Variants in LRRC4C observed in about 807,000 individuals in gnomAD.
LRRC4C encodes leucine rich repeat containing 4C.
Under a neutral mutation model 33.6 loss-of-function variants are expected in LRRC4C, and 5 were observed. The observed-to-expected ratio is 0.15, with a 90% confidence interval of 0.08 to 0.31. The LOEUF is 0.31. Among genes scored for constraint, LRRC4C ranks in the 10% least tolerant of loss-of-function variants. The probability of loss-of-function intolerance (pLI) is 1.00; values close to 1 mark genes in which losing one functional copy is unlikely to be tolerated. For missense variants in LRRC4C, 560 were observed against 796.7 expected (o/e 0.70, Z 3.58); for synonymous variants, 329 against 302.0 (o/e 1.09, Z -0.93).
intron 1 of LRRC4C, among the ~76,000 whole-genome samples, chr11:41,004,705 A>G (rs1565291867): frequency 6.6e-6 from 1 of 151,658 alleles, no homozygotes; most frequent in South Asian, 2.1e-4. Context: ...GTTCATTCAC[A>G]TAAATTACTT....
intron 1 of LRRC4C, among the ~76,000 whole-genome samples, chr11:41,237,908 T>G (rs2136518657): frequency 6.6e-6 from 1 of 152,294 alleles, no homozygotes; most frequent in South Asian, 2.1e-4. Context: ...ACAATTTCAT[T>G]AAAAATATCT....
chr11:40,718,462 A>G (rs1214102542), intron 2 of LRRC4C, among the ~76,000 whole-genome samples: 1 of 152,148 alleles, frequency 6.6e-6, no homozygotes, highest in Non-Finnish European at 1.5e-5. Flanking sequence ...CAAACTTTTA[A>G]CCACTGCTTT....
At chr11:40,138,731 T>C (rs1857158504) in intron 6 of LRRC4C, among the ~76,000 whole-genome samples, 1 of 152,198 alleles carries the variant, frequency 6.6e-6, no homozygotes, top group Admixed American at 6.5e-5. Context: ...CAATATATAG[T>C]ATATTTTATC....
chr11:41,221,552 A>G (rs879571627), intron 1 of LRRC4C, among the ~76,000 whole-genome samples: 14 of 152,320 alleles, frequency 9.2e-5, no homozygotes, highest in Middle Eastern at 3.4e-3. Context: ...ATTACTAGCT[A>G]TATACCCAAA....
At chr11:41,107,289 C>T (rs1394079262) in intron 1 of LRRC4C, among the ~76,000 whole-genome samples, 1 of 152,030 alleles carries the variant, frequency 6.6e-6, no homozygotes, top group South Asian at 2.1e-4. Context: ...TAATTGGCAG[C>T]TTATGATACA....
chr11:40,376,462 A>C (rs2137303397), intron 3 of LRRC4C, among the ~76,000 whole-genome samples: 1 of 152,216 alleles, frequency 6.6e-6, no homozygotes, highest in African/African-American at 2.4e-5. Context: ...AGAGAAATGT[A>C]CTCCAGCTTC....
chr11:41,224,748 A>T (rs993461057), intron 1 of LRRC4C, among the ~76,000 whole-genome samples: 4 of 152,294 alleles, frequency 2.6e-5, no homozygotes, highest in African/African-American at 9.6e-5. Flanking sequence ...ATTAACTGAG[A>T]TGATGTGCCT....
intron 1 of LRRC4C, among the ~76,000 whole-genome samples, chr11:41,168,165 A>G (rs765663111): frequency 1.3e-5 from 2 of 152,218 alleles, no homozygotes; most frequent in Non-Finnish European, 2.9e-5. Flanking sequence ...GGTACTGATC[A>G]TGAAAGGCAG....
At chr11:41,065,737 G>T (rs1056178404) in intron 1 of LRRC4C, among the ~76,000 whole-genome samples, 16 of 152,180 alleles carry the variant, frequency 1.1e-4, no homozygotes, top group Admixed American at 1.0e-3. Flanking sequence ...AATCTTTGCT[G>T]TTCTACAGCC....
intron 2 of LRRC4C, among the ~76,000 whole-genome samples, chr11:40,696,744 C>CTGTG (rs147885633): frequency 3.2e-4 from 20 of 62,250 alleles, no homozygotes; most frequent in African/African-American, 4.2e-4. Flanking sequence ...TATATATACA[C>CTGTG]TGTGTATATA....
At chr11:41,404,746 T>G (rs1954165225) in intron 1 of LRRC4C, among the ~76,000 whole-genome samples, 1 of 151,966 alleles carries the variant, frequency 6.6e-6, no homozygotes, top group South Asian at 2.1e-4. Context: ...ACTTTTCACA[T>G]TAAGTTAGTC....
intron 4 of LRRC4C, among the ~76,000 whole-genome samples, chr11:40,247,414 A>G (rs1866428740): frequency 6.6e-6 from 1 of 152,166 alleles, no homozygotes; most frequent in Admixed American, 6.5e-5. Context: ...ATGTTTTCAG[A>G]TCGCAATGGG....
chr11:41,146,925 T>C (rs926430471), intron 1 of LRRC4C, among the ~76,000 whole-genome samples: 7 of 152,174 alleles, frequency 4.6e-5, no homozygotes, highest in African/African-American at 1.2e-4. Context: ...AAATTCTGGG[T>C]TCAGGGTTGA....
chr11:40,832,900 T>A (rs1441082494), intron 2 of LRRC4C, among the ~76,000 whole-genome samples: 11 of 152,136 alleles, frequency 7.2e-5, no homozygotes, highest in Admixed American at 7.2e-4. Flanking sequence ...AGTAAGCATT[T>A]ATCAAGGCAG....
intron 1 of LRRC4C, among the ~76,000 whole-genome samples, chr11:41,120,302 A>G (rs1436841569): frequency 6.6e-6 from 1 of 152,192 alleles, no homozygotes; most frequent in Non-Finnish European, 1.5e-5. Context: ...CATCCAACAA[A>G]TATCTATTGA....
intron 4 of LRRC4C, among the ~76,000 whole-genome samples, chr11:40,288,026 A>G (rs1349107057): frequency 6.6e-6 from 1 of 152,192 alleles, no homozygotes; most frequent in East Asian, 1.9e-4. Flanking sequence ...ATCCATTTAA[A>G]TGTGCATTTA....
At chr11:40,650,945 T>G (rs773728533) in intron 2 of LRRC4C, among the ~76,000 whole-genome samples, 1 of 152,160 alleles carries the variant, frequency 6.6e-6, no homozygotes. Flanking sequence ...GAAACATCCC[T>G]AAACTGCACA....
intron 1 of LRRC4C, among the ~76,000 whole-genome samples, chr11:41,151,807 CA>C (rs2135969727): frequency 6.6e-6 from 1 of 152,276 alleles, no homozygotes; most frequent in African/African-American, 2.4e-5. Flanking sequence ...ACAATCCAAA[CA>C]TTAAGAGACT....
intron 5 of LRRC4C, among the ~76,000 whole-genome samples, chr11:40,182,882 A>G (rs1245027473): frequency 1.3e-5 from 2 of 152,162 alleles, no homozygotes; most frequent in Admixed American, 6.5e-5. Flanking sequence ...CGTGTTAACT[A>G]ATTTAGTTTT....
Sources: gnomAD v4.1 joint callset for allele counts (sites outside exome capture counted in the v4.1 genomes callset) on GRCh38, gnomAD v4.1.1 for gene constraint, MANE v1.5 for transcripts, NCBI Gene and HGNC (gene_info 2026-07-23, HGNC 2026-07-21) for gene names.